SNTG2: variants seen among roughly 807,000 people sequenced by gnomAD.
The protein encoded by SNTG2 is syntrophin gamma 2.
A neutral mutation model predicts 70.9 loss-of-function variants in SNTG2; 74 were observed. The observed-to-expected ratio is 1.04, with a 90% CI of 0.86 to 1.27. The LOEUF is 1.27. Ranked by LOEUF, SNTG2 falls within the 50% of genes most tolerant of loss-of-function variation. The probability of loss-of-function intolerance (pLI) is 0.00; values close to 1 mark genes in which losing one functional copy is unlikely to be tolerated. For synonymous variants in SNTG2, 278 were observed against 273.8 expected (o/e 1.02, Z -0.15); for missense variants, 717 against 690.7 (o/e 1.04, Z -0.43).
At chr2:1,314,033 A>G (rs1290819716) in intron 15 of SNTG2, among the ~76,000 whole-genome samples, 2 of 152,214 alleles carry the variant, frequency 1.3e-5, no homozygotes, top group Admixed American at 6.5e-5. Flanking sequence ...TAAACAATAA[A>G]CAGGACTTTT....
Position 973,540 on chromosome 2 carries a change from A to ATAT in SNTG2, c.72+22473_72+22474insATT, listed in dbSNP as rs1553303264. ...TGTGTATATACATGTATATATATAT[A>ATAT]TTTTTTTTTACTTGGATATAGTTGT... On this transcript the variant is annotated intron_variant, in intron 1 of 16. Coordinates refer to ENST00000308624, the MANE Select transcript of SNTG2 (RefSeq NM_018968.4). Among the ~76,000 whole-genome samples the ATAT allele has an allele frequency of 5.2e-5, 7 of 133,870 alleles. 1 individual carries two copies. Among genetic ancestry groups the ATAT allele is most frequent in the South Asian group, 2.3e-4 (1 of 4,400 alleles). The allele number at this position is 133,870 out of a possible 152,430, so 87.8% of individuals were successfully genotyped here. A position where few individuals can be genotyped will look rare whatever the true frequency, so the allele number is the denominator to read the frequency against.
At chr2:1,306,476 A>G (rs1167074123) in intron 14 of SNTG2, among the ~76,000 whole-genome samples, 1 of 152,234 alleles carries the variant, frequency 6.6e-6, no homozygotes, top group Non-Finnish European at 1.5e-5. Flanking sequence ...AAAGGACAAT[A>G]GCAGAATGAG....
At chr2:1,094,991 A>G (rs369516645) in intron 2 of SNTG2, among the ~76,000 whole-genome samples, 93 of 126,510 alleles carry the variant, frequency 7.4e-4, no homozygotes, top group East Asian at 6.3e-3. Flanking sequence ...GGCAAGGGCC[A>G]GCTTCCTGGC....
chr2:1,240,597 C>T (rs902873859), intron 11 of SNTG2, among the ~76,000 whole-genome samples: 1 of 152,178 alleles, frequency 6.6e-6, no homozygotes, highest in Non-Finnish European at 1.5e-5. Flanking sequence ...GTTCGCTTTG[C>T]TTTAAATAGC....
chr2:1,280,305 A>G (rs1053929015), intron 14 of SNTG2, among the ~76,000 whole-genome samples: 6 of 152,198 alleles, frequency 3.9e-5, no homozygotes, highest in African/African-American at 1.4e-4. Flanking sequence ...TTAATTACAC[A>G]ATTAAGTTTT....
At chr2:1,129,463 A>G (rs1667892270) in intron 4 of SNTG2, among the ~76,000 whole-genome samples, 1 of 152,232 alleles carries the variant, frequency 6.6e-6, no homozygotes, top group African/African-American at 2.4e-5. Flanking sequence ...AGACACAAAT[A>G]TACAATTTTG....
chr2:978,828 G>C (rs1338077682), intron 1 of SNTG2, among the ~76,000 whole-genome samples: 1 of 152,208 alleles, frequency 6.6e-6, no homozygotes, highest in Non-Finnish European at 1.5e-5. Context: ...CTAATCAAGT[G>C]TATGAACCTG....
In SNTG2 at chr2:1,101,265, T is replaced by TCCAGGC. The variant is rs559626187; in HGVS notation, c.325+2871_325+2876dup. 6.5e-3 allele frequency among the ~76,000 whole-genome samples: 985 copies of TCCAGGC among 151,804 alleles called. 5 individuals carry two copies. Among genetic ancestry groups the TCCAGGC allele is most frequent in the African/African-American group, 0.022 (914 of 41,326 alleles). ...TGCCTGTCTCCATCCTCACCACCCC[T>TCCAGGC]CCAGGCCCAGGCCCAGGCCCACGAC... On this transcript the variant is annotated intron_variant, in intron 4 of 16. Coordinates refer to ENST00000308624, the MANE Select transcript of SNTG2 (RefSeq NM_018968.4).
At chr2:1,356,974 T>C (rs1460529049) in intron 16 of SNTG2, among the ~76,000 whole-genome samples, 1 of 151,954 alleles carries the variant, frequency 6.6e-6, no homozygotes, top group Non-Finnish European at 1.5e-5. Context: ...GATCGTCTGT[T>C]GTTAGTGCGT....
chr2:1,346,594 A>T (rs1223132732), intron 16 of SNTG2: 2 of 152,340 alleles, frequency 1.3e-5, no homozygotes, highest in African/African-American at 2.4e-5. Context: ...GGATGGCAAC[A>T]GGAAATCGAA....
At chr2:1,265,948 G>C (rs925880056) in intron 13 of SNTG2, among the ~76,000 whole-genome samples, 2 of 152,134 alleles carry the variant, frequency 1.3e-5, no homozygotes, top group African/African-American at 4.8e-5. Flanking sequence ...TTGATGTTGG[G>C]GTGCAGCGTC....
At chr2:1,068,789 TAATC>T (rs1173046794) in intron 1 of SNTG2, among the ~76,000 whole-genome samples, 4 of 152,208 alleles carry the variant, frequency 2.6e-5, no homozygotes, top group Non-Finnish European at 4.4e-5. Context: ...AAGATAGCAA[TAATC>T]AATCTTCTCT....
intron 2 of SNTG2, among the ~76,000 whole-genome samples, chr2:1,093,240 C>G (rs4971436): frequency 0.62 from 94,502 of 151,868 alleles, 29,899 homozygotes; most frequent in East Asian, 0.73. Flanking sequence ...ACTGGGAGAG[C>G]ATTGAGGCAG....
intron 4 of SNTG2, among the ~76,000 whole-genome samples, chr2:1,131,177 G>A (rs150567404): frequency 1.3e-5 from 2 of 152,260 alleles, no homozygotes; most frequent in African/African-American, 4.8e-5. Context: ...GATCATACAT[G>A]CACTGTCTGA....
intron 1 of SNTG2, among the ~76,000 whole-genome samples, chr2:1,074,878 A>G (rs1354664195): frequency 6.6e-6 from 1 of 152,246 alleles, no homozygotes; most frequent in Non-Finnish European, 1.5e-5. Flanking sequence ...AGTTTTTAGG[A>G]ATGTATCCAT....
chr2:1,101,668 G>A (rs1169831449), intron 4 of SNTG2, among the ~76,000 whole-genome samples: 7 of 152,190 alleles, frequency 4.6e-5, no homozygotes, highest in Non-Finnish European at 1.0e-4. Flanking sequence ...TCTACCCCAC[G>A]GAGCACAGCG....
chr2:957,993 G>T (rs867011455), intron 1 of SNTG2, among the ~76,000 whole-genome samples: 7 of 152,278 alleles, frequency 4.6e-5, no homozygotes, highest in African/African-American at 1.7e-4. Flanking sequence ...TAGGGAATTT[G>T]AGCCCAGAAC....
chr2:956,411 G>A (rs984330418), intron 1 of SNTG2, among the ~76,000 whole-genome samples: 1 of 152,256 alleles, frequency 6.6e-6, no homozygotes, highest in Admixed American at 6.5e-5. Context: ...CCCCGTGGCT[G>A]CATCCTTCCT....
At chr2:1,057,491 C>T (rs1210778931) in intron 1 of SNTG2, among the ~76,000 whole-genome samples, 1 of 152,100 alleles carries the variant, frequency 6.6e-6, no homozygotes, top group Non-Finnish European at 1.5e-5. Flanking sequence ...AGCTGGAGTC[C>T]GATGTGCGAG....
Sources: gnomAD v4.1 joint callset for allele counts (sites outside exome capture counted in the v4.1 genomes callset) on GRCh38, gnomAD v4.1.1 for gene constraint, MANE v1.5 for transcripts, NCBI Gene and HGNC (gene_info 2026-07-23, HGNC 2026-07-21) for gene names.